Variants in ABCA13 observed in about 807,000 individuals in gnomAD.
ABCA13 encodes ATP binding cassette subfamily A member 13.
Under a neutral mutation model 478.7 loss-of-function variants are expected in ABCA13, and 476 were observed. That is an observed-to-expected ratio of 0.99 (90% CI 0.92 to 1.07). The LOEUF is 1.07. ABCA13 is among the 50% of genes least tolerant of loss of function. The pLI is 0.00. For synonymous variants in ABCA13, 2,252 were observed against 2,158.9 expected (o/e 1.04, Z -1.20); for missense variants, 6,060 against 5,910.6 (o/e 1.03, Z -0.83).
At position 48,295,946 on chromosome 7, in the gene ABCA13, C is replaced by T. The variant is rs534998113; in HGVS notation, c.9119+83C>T. Reference sequence around the variant, plus strand: ...CTAGGACTCTTTAAAATGTGAATTTCAGACAGTGGTCTGTATAATATACTC... The same window carrying T: ...CTAGGACTCTTTAAAATGTGAATTTTAGACAGTGGTCTGTATAATATACTC... On this transcript the variant is annotated intron_variant, in intron 21 of 61. Coordinates refer to ENST00000435803, the MANE Select transcript of ABCA13 (RefSeq NM_152701.5). 9 of 1,470,436 alleles carry T rather than the reference C, an allele frequency of 6.1e-6. No individual in the cohort carries two copies. The South Asian group carries it at 1.2e-4, about 19-fold the overall frequency. The allele number at this position is 1,470,436 out of a possible 1,614,324, so 91.1% of individuals were successfully genotyped here.
chr7:48,240,397 T>C (rs1790647013), intron 9 of ABCA13, among the ~76,000 whole-genome samples: 1 of 152,222 alleles, frequency 6.6e-6, no homozygotes. Flanking sequence ...AAGAATGATC[T>C]ATTTTTGTGT....
intron 32 of ABCA13, among the ~76,000 whole-genome samples, chr7:48,368,166 T>G (rs1009866001): frequency 1.3e-5 from 2 of 152,188 alleles, no homozygotes; most frequent in African/African-American, 4.8e-5. Flanking sequence ...ACAAAGCCAG[T>G]GTTCCTCATT....
intron 50 of ABCA13, among the ~76,000 whole-genome samples, chr7:48,509,470 G>C (rs775488041): frequency 6.6e-5 from 10 of 152,096 alleles, no homozygotes; most frequent in Non-Finnish European, 1.3e-4. Flanking sequence ...GACACCATGG[G>C]GCTTTCAAAG....
At chr7:48,303,453 G>A (rs930436636) in intron 23 of ABCA13, among the ~76,000 whole-genome samples, 1 of 152,162 alleles carries the variant, frequency 6.6e-6, no homozygotes, top group African/African-American at 2.4e-5. Context: ...GTCTTCCAGG[G>A]TTTTTATAGT....
intron 43 of ABCA13, among the ~76,000 whole-genome samples, chr7:48,459,887 T>C (rs1040186997): frequency 2.6e-5 from 4 of 152,188 alleles, no homozygotes; most frequent in Admixed American, 2.6e-4. Context: ...CCTCATCTTC[T>C]GGGATGGGGC....
intron 56 of ABCA13, among the ~76,000 whole-genome samples, chr7:48,586,159 C>G (rs1789159906): frequency 6.6e-6 from 1 of 152,094 alleles, no homozygotes. Flanking sequence ...ACCGCAGGCT[C>G]TTGGGTACAG....
Position 48,410,675 on chromosome 7 carries a change from C to A in ABCA13, c.12226C>A (p.Gln4076Lys). 5.0e-6 allele frequency: 8 copies of A among 1,612,148 alleles called. No homozygotes were observed. The highest frequency in any genetic ancestry group is 6.8e-6 in the Non-Finnish European group (8 of 1,178,702). Reference protein sequence around the residue: ...GQGLRLTLTRQPSVLEAHDLK... With the variant: ...GQGLRLTLTRKPSVLEAHDLK... ...GGGGCTCCGCCTGACACTCACGAGG[C>A]AGGTAAGGAGTGCAACCATTCTATC... Residue 4076 changes from glutamine to lysine, a missense_variant and splice_region_variant, in exon 40 of 62, where the codon CAG becomes AAG. Gln to Lys is a moderately conservative substitution (Grantham distance 53). Around this residue, in one of 3 missense-constraint regions of ABCA13, gnomAD observed 1,627 missense variants for 1,571.0 expected, o/e 1.04. Transcript: ENST00000435803.
At chr7:48,199,472 G>A (rs1010210313) in intron 3 of ABCA13, among the ~76,000 whole-genome samples, 12 of 152,054 alleles carry the variant, frequency 7.9e-5, no homozygotes, top group Non-Finnish European at 1.3e-4. Flanking sequence ...TCTTTTATAC[G>A]GGCACTAATC....
rs117577627 is a variant in ABCA13, at chr7:48,390,804, T to C, written c.11655-1117T>C. On this transcript the variant is annotated intron_variant, in intron 37 of 61. Coordinates refer to ENST00000435803, the MANE Select transcript of ABCA13 (RefSeq NM_152701.5). The stretch of plus-strand genomic sequence containing the variant: ...GGACAGCTGAGTGGTATCCACCATA[T>C]GGAGGCAACCCAGCTTCTTTATGTT... 7.0e-3 allele frequency among the ~76,000 whole-genome samples: 1,063 copies of C among 152,340 alleles called. 3 individuals carry two copies. The highest frequency in any genetic ancestry group is 0.012 in the Non-Finnish European group (797 of 68,030).
chr7:48,173,100 T>G lies in ABCA13; in HGVS notation c.69+1548T>G, dbSNP rs570721487. Reference sequence around the variant, plus strand: ...TGCCTACTCCTCCTTAATGGATACTTGAGTTTTAAAAAATTTTCACAATTA... The same window carrying G: ...TGCCTACTCCTCCTTAATGGATACTGGAGTTTTAAAAAATTTTCACAATTA... On this transcript the variant is annotated intron_variant, in intron 1 of 61. Transcript: ENST00000435803. 3.9e-5 allele frequency among the ~76,000 whole-genome samples: 6 copies of G among 152,326 alleles called. No homozygotes were observed. In the East Asian group the frequency reaches 1.2e-3, roughly 29 times the overall value.
chr7:48,247,630 G>A (rs189940187), intron 13 of ABCA13, among the ~76,000 whole-genome samples: 1 of 152,244 alleles, frequency 6.6e-6, no homozygotes, highest in East Asian at 1.9e-4. Context: ...AGATGGCCGT[G>A]AGGGCTGGAG....
chr7:48,276,617 C>A, intron 17 of ABCA13, 52 bp downstream of exon 17: 1 of 1,453,334 alleles, frequency 6.9e-7, no homozygotes, highest in Non-Finnish European at 9.5e-7. Flanking sequence ...ATATCTCAAA[C>A]TACTTTATTT....
intron 53 of ABCA13, among the ~76,000 whole-genome samples, chr7:48,523,210 GAT>G (rs1205331131): frequency 1.3e-5 from 2 of 152,042 alleles, no homozygotes; most frequent in East Asian, 3.8e-4. Context: ...GGTCATGTAA[GAT>G]AGAATTCTGA....
intron 2 of ABCA13, among the ~76,000 whole-genome samples, chr7:48,197,922 G>A (rs151254924): frequency 5.4e-4 from 82 of 152,284 alleles, no homozygotes; most frequent in African/African-American, 1.9e-3. Context: ...AGAGAGCGGT[G>A]TCTGGAAGCT....
chr7:48,503,117 C>T (rs1158762699), intron 48 of ABCA13, among the ~76,000 whole-genome samples: 5 of 152,160 alleles, frequency 3.3e-5, no homozygotes, highest in African/African-American at 9.7e-5. Flanking sequence ...GATGAGGTCT[C>T]ACTCTGTTGC....
At chr7:48,489,443 G>A in intron 48 of ABCA13, 99 bp downstream of exon 48, 1 of 1,049,234 alleles carries the variant, frequency 9.5e-7, no homozygotes, top group East Asian at 2.7e-5. Flanking sequence ...AATGTGAGGG[G>A]CAATGAGAAG....
In ABCA13 at chr7:48,275,241, C is replaced by T; in HGVS notation, c.5575C>T (p.Leu1859Phe). Residue 1859 changes from leucine to phenylalanine, a missense_variant, in exon 17 of 62, where the codon CTT becomes TTT. Around this residue, in one of 3 missense-constraint regions of ABCA13, gnomAD observed 4,423 missense variants for 4,309.1 expected, o/e 1.03. Coordinates refer to ENST00000435803, the MANE Select transcript of ABCA13 (RefSeq NM_152701.5). ...CTTTTATGGCAAAGTGGCCAGTATACTTGATCATTTCCACCTGTCTCCCCA... is the reference window on the plus strand; with the variant it reads ...CTTTTATGGCAAAGTGGCCAGTATATTTGATCATTTCCACCTGTCTCCCCA... ...SSFYGKVASILDHFHLSPQGE... is the reference protein window; with the variant it reads ...SSFYGKVASIFDHFHLSPQGE... 6.2e-7 allele frequency: 1 copy of T among 1,613,894 alleles called. No individual in the cohort carries two copies.
chr7:48,427,042 A>C (rs999555367), intron 41 of ABCA13, among the ~76,000 whole-genome samples: 1 of 152,056 alleles, frequency 6.6e-6, no homozygotes, highest in Non-Finnish European at 1.5e-5. Context: ...TGAATTGCCC[A>C]ATGTTTATTT....
chr7:48,528,389 A>G, intron 55 of ABCA13, 44 bp downstream of exon 55: 7 of 1,314,088 alleles, frequency 5.3e-6, no homozygotes, highest in Non-Finnish European at 7.1e-6. Flanking sequence ...AAGAGATAAT[A>G]AGCCCAGAGA....
Sources: gnomAD v4.1 joint callset for allele counts (sites outside exome capture counted in the v4.1 genomes callset) on GRCh38, gnomAD v4.1.1 for gene constraint, gnomAD v4.1.1 regional missense constraint, MANE v1.5 for transcripts, NCBI Gene and HGNC (gene_info 2026-07-23, HGNC 2026-07-21) for gene names.